TEC: variants seen among roughly 807,000 people sequenced by gnomAD.
The protein encoded by TEC is tec protein tyrosine kinase.
Under a neutral mutation model 93.0 loss-of-function variants are expected in TEC, and 72 were observed. That is an observed-to-expected ratio of 0.77 (90% confidence interval 0.64 to 0.94). The LOEUF is 0.94. Among genes scored for constraint, TEC ranks in the 40% least tolerant of loss-of-function variants. TEC has a pLI of 0.00. For synonymous variants in TEC, 249 were observed against 247.7 expected, an observed-to-expected ratio of 1.01 and a Z score of -0.05; for missense variants, 630 against 757.9, an observed-to-expected ratio of 0.83 and a Z score of 1.98.
At chr4:48,154,372 C>T (rs910289277) in intron 9 of TEC, among the ~76,000 whole-genome samples, 3 of 152,204 alleles carry the variant, frequency 2.0e-5, no homozygotes, top group Admixed American at 6.5e-5. Context: ...CTTCTTGACA[C>T]TTGCTTGACT....
At chr4:48,254,588 A>T (rs914763466) in intron 1 of TEC, among the ~76,000 whole-genome samples, 1 of 152,236 alleles carries the variant, frequency 6.6e-6, no homozygotes, top group Non-Finnish European at 1.5e-5. Context: ...GGCCAAAAAA[A>T]CTGGGGATAA....
intron 3 of TEC, among the ~76,000 whole-genome samples, chr4:48,175,421 C>A (rs963025026): frequency 3.9e-5 from 6 of 152,138 alleles, no homozygotes; most frequent in Non-Finnish European, 8.8e-5. Flanking sequence ...TAAAAACATC[C>A]TTGAGCAGGG....
intron 1 of TEC, among the ~76,000 whole-genome samples, chr4:48,248,317 ATAAGC>A (rs1376223103): frequency 8.5e-5 from 13 of 152,190 alleles, no homozygotes; most frequent in Non-Finnish European, 1.8e-4. Flanking sequence ...TCTGGCAATT[ATAAGC>A]TATCAGCCAG....
At chr4:48,219,165 C>T (rs11722540) in intron 2 of TEC, among the ~76,000 whole-genome samples, 13,540 of 152,104 alleles carry the variant, frequency 0.089, 741 homozygotes, top group East Asian at 0.22. Context: ...GAATAACCAG[C>T]GGGTATAGGG....
chr4:48,230,742 C>T (rs576108593), intron 1 of TEC, among the ~76,000 whole-genome samples: 12 of 152,294 alleles, frequency 7.9e-5, no homozygotes, highest in African/African-American at 2.6e-4. Flanking sequence ...TCTTTACTTC[C>T]ACCACACTCC....
intron 1 of TEC, among the ~76,000 whole-genome samples, chr4:48,241,422 C>T (rs2704412): frequency 0.24 from 35,746 of 151,936 alleles, 4,687 homozygotes; most frequent in African/African-American, 0.36. Context: ...GGAACCCAGC[C>T]ACCATACTGA....
intron 2 of TEC, among the ~76,000 whole-genome samples, chr4:48,179,581 G>T (rs1007768293): frequency 6.6e-6 from 1 of 151,076 alleles, no homozygotes; most frequent in Admixed American, 6.6e-5. Flanking sequence ...TAGAGACAGG[G>T]TTTCATCAGG....
rs1720122145 is a variant in TEC, at chr4:48,150,728, T to C, written c.872+135A>G. On this transcript the variant is annotated intron_variant, in intron 10 of 17. Coordinates refer to ENST00000381501, the MANE Select transcript of TEC (RefSeq NM_003215.3). ...AATACAAAAAACAGTATATACACTT[T>C]AGAAATCAAGTTCAGGTTTTCTTTT... 6.8e-6 allele frequency: 4 copies of C among 589,794 alleles called. No homozygotes were observed. The South Asian group carries it at 1.7e-4, about 24-fold the overall frequency. 36.5% of individuals were successfully genotyped at this position (589,794 alleles called of 1,614,324 possible).
At chr4:48,242,450 T>G (rs1723944845) in intron 1 of TEC, among the ~76,000 whole-genome samples, 1 of 152,220 alleles carries the variant, frequency 6.6e-6, no homozygotes, top group Admixed American at 6.5e-5. Flanking sequence ...AAGCCAAATC[T>G]CAAAGGTAAC....
At chr4:48,170,586 A>G (rs1341357032) in intron 4 of TEC, among the ~76,000 whole-genome samples, 1 of 152,144 alleles carries the variant, frequency 6.6e-6, no homozygotes, top group African/African-American at 2.4e-5. Flanking sequence ...GTTAGCAGAA[A>G]TGACTGCTGC....
At chr4:48,259,574 G>C (rs997931557) in intron 1 of TEC, among the ~76,000 whole-genome samples, 15 of 152,022 alleles carry the variant, frequency 9.9e-5, no homozygotes, top group African/African-American at 3.1e-4. Context: ...AAAATAGCCG[G>C]GCGTGGTGGC....
rs1719392422 is a variant in TEC at position 48,135,903 on chromosome 4, A to G, written c.*1513T>C. ...ACTCTAGACTGACCAGGATGAAATG[A>G]AATGGTTCTCCAGGGTCAGAGTGAA... On this transcript the variant is annotated 3_prime_UTR_variant, in exon 18 of 18. Coordinates refer to ENST00000381501, the MANE Select transcript of TEC (RefSeq NM_003215.3). 1 of 152,226 alleles carries G rather than the reference A, an allele frequency of 6.6e-6. No homozygotes were observed. Among genetic ancestry groups the G allele is most frequent in the Admixed American group, 6.5e-5 (1 of 15,284 alleles). The allele number at this position is 152,226 out of a possible 1,614,324, so 9.4% of individuals were successfully genotyped here.
At chr4:48,157,059 T>C (rs931095541) in intron 8 of TEC, among the ~76,000 whole-genome samples, 1 of 152,246 alleles carries the variant, frequency 6.6e-6, no homozygotes, top group African/African-American at 2.4e-5. Context: ...TAGGTCTACA[T>C]ATGATAGTAT....
chr4:48,170,798 C>A (rs1220868471), intron 4 of TEC, among the ~76,000 whole-genome samples: 1 of 152,172 alleles, frequency 6.6e-6, no homozygotes, highest in Admixed American at 6.5e-5. Context: ...TGTCTATAAT[C>A]CCAACACTTT....
At chr4:48,182,639 A>G (rs946174613) in intron 2 of TEC, among the ~76,000 whole-genome samples, 4 of 151,912 alleles carry the variant, frequency 2.6e-5, no homozygotes, top group African/African-American at 4.8e-5. Flanking sequence ...ATTGTAAACC[A>G]GCGTATATGG....
At chr4:48,201,008 T>C (rs1357517638) in intron 2 of TEC, among the ~76,000 whole-genome samples, 1 of 152,218 alleles carries the variant, frequency 6.6e-6, no homozygotes, top group Non-Finnish European at 1.5e-5. Flanking sequence ...GTACATAGCA[T>C]AACCCAATCC....
At chr4:48,194,418 A>G (rs1225933732) in intron 2 of TEC, among the ~76,000 whole-genome samples, 1 of 152,246 alleles carries the variant, frequency 6.6e-6, no homozygotes, top group African/African-American at 2.4e-5. Context: ...ACTTAGCCCT[A>G]TATATCTCTC....
chr4:48,265,498 T>TGC (rs1491144578), intron 1 of TEC, among the ~76,000 whole-genome samples: 3 of 37,290 alleles, frequency 8.0e-5, no homozygotes, highest in Non-Finnish European at 2.1e-4. Context: ...TATATGTGTG[T>TGC]ATATATATAT....
chr4:48,138,542 AC>A, intron 17 of TEC, 122 bp downstream of exon 17: 1 of 1,159,210 alleles, frequency 8.6e-7, no homozygotes, highest in Non-Finnish European at 1.2e-6. Flanking sequence ...TTGGCTTCCT[AC>A]CTAGAGCTTG....
Sources: allele counts gnomAD v4.1 joint callset (sites outside exome capture counted in the v4.1 genomes callset), GRCh38; gene constraint gnomAD v4.1.1; transcripts MANE v1.5; gene names NCBI Gene and HGNC (gene_info 2026-07-23, HGNC 2026-07-21).